GLG1: variants seen among roughly 807,000 people sequenced by gnomAD.
GLG1 encodes golgi glycoprotein 1, also known as Golgi apparatus protein 1.
In GLG1, 38 loss-of-function variants were observed where a neutral mutation model predicts 160.5. The observed-to-expected ratio is 0.24, with a 90% CI of 0.18 to 0.31. The LOEUF is 0.31. Among genes scored for constraint, GLG1 ranks in the 10% least tolerant of loss-of-function variants. The probability of loss-of-function intolerance (pLI) is 1.00; values close to 1 mark genes in which losing one functional copy is unlikely to be tolerated. For missense variants in GLG1, 1,373 were observed against 1,505.2 expected, an observed-to-expected ratio of 0.91 and a Z score of 1.45; for synonymous variants, 644 against 543.4, an observed-to-expected ratio of 1.19 and a Z score of -2.57.
At chr16:74,541,963 AG>A (rs1371747746) in intron 1 of GLG1, among the ~76,000 whole-genome samples, 2 of 148,096 alleles carry the variant, frequency 1.4e-5, no homozygotes, top group Non-Finnish European at 3.0e-5. Context: ...CTGGGAAAGC[AG>A]GGGAGTTTAA....
At chr16:74,582,558 C>T (rs1458394659) in intron 1 of GLG1, among the ~76,000 whole-genome samples, 3 of 152,084 alleles carry the variant, frequency 2.0e-5, no homozygotes, top group Admixed American at 1.3e-4. Context: ...TGGGGGCTCA[C>T]GCCTGTAATC....
Position 74,472,366 on chromosome 16 carries a change from T to C in GLG1, c.2098A>G (p.Ile700Val). Residue 700 changes from isoleucine (I) to valine (V), a missense_variant, in exon 14 of 26, where the codon ATT becomes GTT. Coordinates refer to ENST00000422840, the MANE Select transcript of GLG1 (RefSeq NM_001145667.2). ...TCACTTACGTGGCAGAAGTTCTGAA[T>C]TATGGGCTCACAGGCTCTCATCAGC... ...ALLMRACEPI[I>V]QNFCHDVADN... 1 of 1,612,094 alleles carries C rather than the reference T, an allele frequency of 6.2e-7. No individual in the cohort carries two copies. Among genetic ancestry groups the C allele is most frequent in the Non-Finnish European group, 8.5e-7 (1 of 1,178,194 alleles).
intron 1 of GLG1, among the ~76,000 whole-genome samples, chr16:74,584,829 T>C (rs1464747920): frequency 6.6e-6 from 1 of 151,884 alleles, no homozygotes; most frequent in East Asian, 1.9e-4. Flanking sequence ...GGCAGGAGAA[T>C]CTATTGAATC....
intron 1 of GLG1, 94 bp downstream of exon 1, chr16:74,606,563 A>G: frequency 1.9e-6 from 2 of 1,077,246 alleles, no homozygotes; most frequent in Non-Finnish European, 2.7e-6. Flanking sequence ...GGAAGCAAGG[A>G]AAGCAGCCGA....
At chr16:74,534,849 A>G (rs1328886917) in intron 1 of GLG1, among the ~76,000 whole-genome samples, 1 of 152,258 alleles carries the variant, frequency 6.6e-6, no homozygotes, top group East Asian at 1.9e-4. Context: ...GGATGATGTC[A>G]TTCCTTCCTA....
At chr16:74,605,768 T>C (rs959777861) in intron 1 of GLG1, among the ~76,000 whole-genome samples, 6 of 152,058 alleles carry the variant, frequency 3.9e-5, no homozygotes, top group Admixed American at 3.9e-4. Context: ...CAGTATCAAG[T>C]GGTAGCTTCA....
intron 1 of GLG1, among the ~76,000 whole-genome samples, chr16:74,544,195 C>A (rs1291420235): frequency 6.6e-6 from 1 of 152,212 alleles, no homozygotes; most frequent in Non-Finnish European, 1.5e-5. Flanking sequence ...GCATTCATTA[C>A]TATACAATCT....
chr16:74,582,007 C>A (rs961697695), intron 1 of GLG1, among the ~76,000 whole-genome samples: 2 of 152,188 alleles, frequency 1.3e-5, no homozygotes, highest in African/African-American at 4.8e-5. Context: ...TCCTCTCTTG[C>A]GTAGCATTTT....
intron 1 of GLG1, among the ~76,000 whole-genome samples, chr16:74,541,050 G>A (rs1305611264): frequency 6.6e-6 from 1 of 152,148 alleles, no homozygotes; most frequent in African/African-American, 2.4e-5. Flanking sequence ...CTTCTGCCGG[G>A]TGTGGTGGCT....
chr16:74,505,608 A>C (rs2143470010), intron 3 of GLG1, among the ~76,000 whole-genome samples: 1 of 152,264 alleles, frequency 6.6e-6, no homozygotes, highest in South Asian at 2.1e-4. Context: ...TAATCCTAGC[A>C]CTTTGGGAGG....
At chr16:74,466,769 C>A (rs2015014640) in intron 18 of GLG1, among the ~76,000 whole-genome samples, 1 of 152,082 alleles carries the variant, frequency 6.6e-6, no homozygotes, top group Non-Finnish European at 1.5e-5. Context: ...TCTCCTGGAG[C>A]AGAATGGACA....
intron 1 of GLG1, among the ~76,000 whole-genome samples, chr16:74,559,765 T>C (rs1215600764): frequency 6.6e-6 from 1 of 152,186 alleles, no homozygotes; most frequent in African/African-American, 2.4e-5. Flanking sequence ...TTCAGCCTTC[T>C]GACATATGTA....
intron 8 of GLG1, among the ~76,000 whole-genome samples, chr16:74,487,164 C>T (rs996050146): frequency 2.0e-5 from 3 of 152,096 alleles, no homozygotes; most frequent in African/African-American, 7.2e-5. Context: ...CCTCGAACTC[C>T]CAAAGTGCTG....
intron 2 of GLG1, among the ~76,000 whole-genome samples, chr16:74,520,466 A>C (rs1426742424): frequency 6.6e-6 from 1 of 152,090 alleles, no homozygotes; most frequent in African/African-American, 2.4e-5. Context: ...TAGAAACCCT[A>C]TCTCTACTAA....
intron 16 of GLG1, 142 bp from the exon 17 acceptor site, chr16:74,469,205 T>G: frequency 1.6e-6 from 1 of 630,762 alleles, no homozygotes; most frequent in Non-Finnish European, 2.9e-6. Context: ...ACTGTATTTT[T>G]TTTCAGGGTG....
In GLG1 at chr16:74,462,479, C is replaced by T. The variant is rs2014840496; in HGVS notation, c.2934+9G>A. On this transcript the variant is annotated intron_variant, in intron 21 of 25. Coordinates refer to ENST00000422840, the MANE Select transcript of GLG1 (RefSeq NM_001145667.2). Reference sequence around the variant, plus strand: ...AATACACCTTTGTGGAGAGCCCAGGCCAGTTTACCTGGTCAGCATATCTCA... The same window carrying T: ...AATACACCTTTGTGGAGAGCCCAGGTCAGTTTACCTGGTCAGCATATCTCA... The T allele has an allele frequency of 1.2e-6, 2 of 1,611,960 alleles. No individual in the cohort carries two copies. Among genetic ancestry groups the T allele is most frequent in the East Asian group, 4.5e-5 (2 of 44,840 alleles).
At chr16:74,500,445 C>T (rs2016363321) in intron 4 of GLG1, among the ~76,000 whole-genome samples, 3 of 151,460 alleles carry the variant, frequency 2.0e-5, no homozygotes, top group African/African-American at 4.8e-5. Context: ...TATTCCGTGT[C>T]CTTTAACAAC....
At chr16:74,585,425 G>C (rs905161531) in intron 1 of GLG1, among the ~76,000 whole-genome samples, 4 of 151,856 alleles carry the variant, frequency 2.6e-5, no homozygotes, top group African/African-American at 9.7e-5. Flanking sequence ...ACAAAAAAGA[G>C]GCCGGGCCTG....
At chr16:74,589,000 G>C (rs979927400) in intron 1 of GLG1, among the ~76,000 whole-genome samples, 1 of 151,716 alleles carries the variant, frequency 6.6e-6, no homozygotes, top group African/African-American at 2.4e-5. Flanking sequence ...CCAGCACTTT[G>C]GGAGGCTGAG....
Sources: gnomAD v4.1 joint callset for allele counts (sites outside exome capture counted in the v4.1 genomes callset) on GRCh38, gnomAD v4.1.1 for gene constraint, MANE v1.5 for transcripts, NCBI Gene and HGNC (gene_info 2026-07-23, HGNC 2026-07-21) for gene names.